BBOX1: variants seen among roughly 807,000 people sequenced by gnomAD.
BBOX1 encodes the protein gamma-butyrobetaine hydroxylase 1, also known as gamma-butyrobetaine dioxygenase.
A neutral mutation model predicts 41.6 loss-of-function variants in BBOX1; 35 were observed. That is an observed-to-expected ratio of 0.84 (90% confidence interval 0.64 to 1.11). BBOX1 has a LOEUF of 1.11. Ranked by LOEUF, BBOX1 falls within the 50% of genes most tolerant of loss-of-function variation. BBOX1 has a pLI of 0.00. For missense variants in BBOX1, 458 were observed against 460.6 expected, an observed-to-expected ratio of 0.99 and a Z score of 0.05; for synonymous variants, 163 against 154.7, an observed-to-expected ratio of 1.05 and a Z score of -0.40.
intron 4 of BBOX1, among the ~76,000 whole-genome samples, chr11:27,067,585 C>G (rs1857328153): frequency 6.6e-6 from 1 of 151,756 alleles, no homozygotes; most frequent in East Asian, 1.9e-4. Context: ...CAGAAATTAG[C>G]CAGGCGTGGT....
intron 4 of BBOX1, among the ~76,000 whole-genome samples, chr11:27,060,877 G>A (rs902671738): frequency 6.6e-6 from 1 of 152,180 alleles, no homozygotes; most frequent in Non-Finnish European, 1.5e-5. Flanking sequence ...GTTAAATCCA[G>A]ATGGGTATCC....
chr11:27,125,686 A>C lies in BBOX1; in HGVS notation c.869A>C (p.Asn290Thr). ...GATAAAGGCCAAGTGGTTCGCATCA[A>C]CTTCAATAACGCAACTAGGGACACA... ...LDDKGQVVRI[N>T]FNNATRDTIF... is the part of the protein sequence containing the mutation. The change falls in exon 8 of 9, where the codon AAC becomes ACC. Residue 290 changes from asparagine to threonine, a missense_variant. Asn to Thr is a moderately conservative substitution (Grantham distance 65). Transcript: ENST00000263182. 1 of 1,596,124 alleles carries C rather than the reference A, an allele frequency of 6.3e-7. No homozygotes were observed. The highest frequency in any genetic ancestry group is 8.5e-7 in the Non-Finnish European group (1 of 1,170,670).
chr11:27,059,584 C>T (rs1857080394), intron 4 of BBOX1, among the ~76,000 whole-genome samples: 1 of 152,138 alleles, frequency 6.6e-6, no homozygotes, highest in Admixed American at 6.5e-5. Flanking sequence ...AGCATGCATA[C>T]TCAGCATGGA....
chr11:27,061,718 C>T (rs1422666531), intron 4 of BBOX1, among the ~76,000 whole-genome samples: 1 of 152,156 alleles, frequency 6.6e-6, no homozygotes, highest in Admixed American at 6.5e-5. Context: ...TTCCCCCTGG[C>T]ACTCGCTGTT....
At chr11:27,091,803 C>T (rs1013532696) in intron 4 of BBOX1, among the ~76,000 whole-genome samples, 1 of 151,990 alleles carries the variant, frequency 6.6e-6, no homozygotes, top group East Asian at 1.9e-4. Flanking sequence ...TCAGTACTAA[C>T]GAATATTAGC....
intron 4 of BBOX1, among the ~76,000 whole-genome samples, chr11:27,083,398 C>T (rs553599255): frequency 6.6e-6 from 1 of 152,156 alleles, no homozygotes; most frequent in South Asian, 2.1e-4. Flanking sequence ...CAGCCCTTGC[C>T]TACTTTTCCA....
chr11:27,069,412 C>T (rs947218943), intron 4 of BBOX1, among the ~76,000 whole-genome samples: 13 of 152,056 alleles, frequency 8.5e-5, no homozygotes, highest in African/African-American at 3.1e-4. Flanking sequence ...GATTTGTGTA[C>T]ATTAATTTTG....
rs1851564496 is a variant in BBOX1 at position 27,048,539 on chromosome 11, TA to T, written c.-38-6853del. Among the ~76,000 whole-genome samples, 16 of 151,234 alleles carry T rather than the reference TA, an allele frequency of 1.1e-4. No individual in the cohort carries two copies. The Admixed American group carries it at 1.1e-3, about 10-fold the overall frequency. On this transcript the variant is annotated intron_variant, in intron 2 of 8. Coordinates refer to ENST00000263182, the MANE Select transcript of BBOX1 (RefSeq NM_003986.3). ...GATAGGCAGATAGATAGATGATAGATAGATAGATAGATAGATAATAGATAGA... is the reference window on the plus strand; with the variant it reads ...GATAGGCAGATAGATAGATGATAGATGATAGATAGATAGATAATAGATAGA...
intron 3 of BBOX1, 151 bp downstream of exon 3, chr11:27,055,800 A>G (rs1306386946): frequency 3.2e-6 from 2 of 616,000 alleles, no homozygotes; most frequent in East Asian, 2.8e-5. Flanking sequence ...AATTAAGTAT[A>G]TTCAGTAAAT....
chr11:27,103,579 A>T (rs1303312213), intron 5 of BBOX1, among the ~76,000 whole-genome samples: 1 of 151,750 alleles, frequency 6.6e-6, no homozygotes, highest in Non-Finnish European at 1.5e-5. Context: ...AGGAGTTTTT[A>T]AATTTTTTTC....
At chr11:27,071,405 G>T (rs1232362592) in intron 4 of BBOX1, among the ~76,000 whole-genome samples, 1 of 150,856 alleles carries the variant, frequency 6.6e-6, no homozygotes, top group Non-Finnish European at 1.5e-5. Context: ...GGGGGCTAAA[G>T]ATAGGATCCC....
intron 4 of BBOX1, among the ~76,000 whole-genome samples, chr11:27,067,440 T>C (rs1338493447): frequency 6.6e-6 from 1 of 151,894 alleles, no homozygotes; most frequent in Non-Finnish European, 1.5e-5. Context: ...TGCATACCCA[T>C]AGTTGAGCTC....
intron 4 of BBOX1, among the ~76,000 whole-genome samples, chr11:27,079,379 ATTAG>A (rs1857753336): frequency 6.6e-6 from 1 of 152,166 alleles, no homozygotes; most frequent in African/African-American, 2.4e-5. Context: ...TGTGTTATCT[ATTAG>A]TTAGTTAAGA....
chr11:27,107,902 C>T (rs1322760862), intron 5 of BBOX1, among the ~76,000 whole-genome samples: 2 of 152,034 alleles, frequency 1.3e-5, no homozygotes, highest in Admixed American at 6.6e-5. Context: ...TAAGTAGCAG[C>T]TTTCTTGGCA....
At chr11:27,077,765 C>T (rs1205100268) in intron 4 of BBOX1, among the ~76,000 whole-genome samples, 1 of 152,008 alleles carries the variant, frequency 6.6e-6, no homozygotes, top group Non-Finnish European at 1.5e-5. Flanking sequence ...GCTATTTGTA[C>T]AGAGATGACT....
intron 4 of BBOX1, among the ~76,000 whole-genome samples, chr11:27,079,569 G>A (rs2351072): frequency 0.6 from 90,493 of 151,932 alleles, 29,711 homozygotes; most frequent in East Asian, 0.94. Context: ...ATATGCCCAT[G>A]TAATGAGGAA....
At chr11:27,046,270 T>A (rs944264325) in intron 2 of BBOX1, 4 of 152,048 alleles carry the variant, frequency 2.6e-5, no homozygotes, top group Non-Finnish European at 4.4e-5. Flanking sequence ...CAAACTTGAA[T>A]TTGTAATATT....
chr11:27,126,508 G>T (rs1469233133), intron 8 of BBOX1, among the ~76,000 whole-genome samples: 3 of 151,914 alleles, frequency 2.0e-5, no homozygotes, highest in Non-Finnish European at 2.9e-5. Context: ...TTAAAGCTTC[G>T]GTTTCTTCAT....
intron 7 of BBOX1, among the ~76,000 whole-genome samples, chr11:27,121,819 C>G (rs1859475673): frequency 6.6e-6 from 1 of 152,052 alleles, no homozygotes; most frequent in Admixed American, 6.6e-5. Context: ...TGTTAAGACA[C>G]AATACGATTA....
Sources: allele counts gnomAD v4.1 joint callset (sites outside exome capture counted in the v4.1 genomes callset), GRCh38; gene constraint gnomAD v4.1.1; transcripts MANE v1.5; gene names NCBI Gene and HGNC (gene_info 2026-07-23, HGNC 2026-07-21).